Variants in EMC3 observed in about 807,000 individuals in gnomAD.
EMC3 encodes the protein 30 kDa protein.
Under a neutral mutation model 36.6 loss-of-function variants are expected in EMC3, and 13 were observed. The observed-to-expected ratio is 0.35, with a 90% CI of 0.23 to 0.56. The LOEUF (loss-of-function observed/expected upper bound fraction) is 0.56, where lower values mean the gene tolerates loss of function less well. Ranked by LOEUF, EMC3 falls within the 20% of genes least tolerant of loss-of-function variation. The pLI, the probability that EMC3 is intolerant of heterozygous loss-of-function variation, is 0.84. For synonymous variants in EMC3, 120 were observed against 111.9 expected, an observed-to-expected ratio of 1.07 and a Z score of -0.46; for missense variants, 220 against 324.5, an observed-to-expected ratio of 0.68 and a Z score of 2.47.
At chr3:9,994,485 GACTGGTGGATCTA>G (rs2086098703) in intron 1 of EMC3, among the ~76,000 whole-genome samples, 1 of 152,198 alleles carries the variant, frequency 6.6e-6, no homozygotes, top group African/African-American at 2.4e-5. Context: ...GAAGAGATTT[GACTGGTGGATCTA>G]ACTCTGTGTT....
chr3:9,995,597 T>G (rs1173905173), intron 1 of EMC3, among the ~76,000 whole-genome samples: 5 of 151,530 alleles, frequency 3.3e-5, no homozygotes, highest in Admixed American at 2.0e-4. Flanking sequence ...GCAAACAGAA[T>G]GAAGCCAGCA....
At chr3:9,969,059 A>T (rs1242470260) in intron 7 of EMC3, 3 of 153,720 alleles carry the variant, frequency 2.0e-5, no homozygotes, top group African/African-American at 4.8e-5. Flanking sequence ...TCCTGACCTC[A>T]GCTGACCCAC....
At chr3:9,969,444 C>T in intron 7 of EMC3, 1 of 1,323,608 alleles carries the variant, frequency 7.6e-7, no homozygotes, top group Non-Finnish European at 9.7e-7. Flanking sequence ...TAAATGTTTA[C>T]CTGGCACCTC....
At chr3:9,978,448 GGAGGAAAA>G (rs2085873696) in intron 1 of EMC3, among the ~76,000 whole-genome samples, 1 of 152,088 alleles carries the variant, frequency 6.6e-6, no homozygotes, top group African/African-American at 2.4e-5. Context: ...GTTCATTAAA[GGAGGAAAA>G]GAGGAAAAGG....
chr3:9,988,139 A>G, upstream of EMC3: 1 of 547,574 alleles, frequency 1.8e-6, no homozygotes, highest in Non-Finnish European at 3.3e-6. Flanking sequence ...ATTTACATCT[A>G]GTATTATATC....
At chr3:9,987,169 G>C, upstream of EMC3, 2 of 894,518 alleles carry the variant, frequency 2.2e-6, no homozygotes, top group Non-Finnish European at 2.7e-6. Context: ...AGCCGAGATT[G>C]CTGCACTGCA....
chr3:9,977,158 G>A (rs537698220), intron 2 of EMC3, 108 bp from the exon 3 acceptor site: 5 of 926,304 alleles, frequency 5.4e-6, no homozygotes, highest in Admixed American at 5.3e-5. Context: ...ATGCTGTTCC[G>A]CTCAGAGCTG....
chr3:10,006,668 A>G (rs768897679), intron 1 of EMC3: 3 of 199,276 alleles, frequency 1.5e-5, no homozygotes, highest in African/African-American at 2.4e-5. Context: ...GGGGGTTGTC[A>G]GTTAAAGGAC....
chr3:9,987,226 A>AG (rs1280132065), upstream of EMC3: 2 of 984,676 alleles, frequency 2.0e-6, no homozygotes, highest in African/African-American at 3.5e-5. Flanking sequence ...AAAAAAAAAA[A>AG]AAAAAAGAAA....
At position 10,001,299 on chromosome 3, in the gene EMC3, C is replaced by T. The variant is rs1327639053; in HGVS notation, c.-242+9724G>A. ...TTTGTCGGCCGGGCATGGTGGCTCA[C>T]GCCTGTATTCCCAGCACTTTGGGGG... On this transcript the variant is annotated intron_variant, in intron 1 of 8. Transcript: ENST00000470827. 1.1e-4 allele frequency among the ~76,000 whole-genome samples: 17 copies of T among 151,654 alleles called. 1 individual carries two copies. The highest frequency in any genetic ancestry group is 1.1e-3 in the Admixed American group (16 of 15,178).
chr3:9,974,403 T>C lies in EMC3; in HGVS notation c.393A>G (p.Thr131=). 6.2e-7 allele frequency: 1 copy of C among 1,613,340 alleles called. No homozygotes were observed. Among genetic ancestry groups the C allele is most frequent in the South Asian group, 1.1e-5 (1 of 91,052 alleles). The change falls in exon 4 of 8, where the codon ACA becomes ACG. Residue 131 remains threonine, a synonymous_variant. Transcript: ENST00000245046. ...ACTTACTTGTGACAAAGCCTGAGAATGTCATGTTGATCCATCCACCAATAA... is the reference window on the plus strand; with the variant it reads ...ACTTACTTGTGACAAAGCCTGAGAACGTCATGTTGATCCATCCACCAATAA... ...MILIGGWINM[T]FSGFVTTKVP...
intron 1 of EMC3, among the ~76,000 whole-genome samples, chr3:9,982,685 T>G (rs554676168): frequency 1.1e-3 from 166 of 152,134 alleles, no homozygotes; most frequent in African/African-American, 3.6e-3. Context: ...CTCAGGAGTT[T>G]GAGACCGGCC....
In EMC3 at chr3:10,007,075, G is replaced by A. The variant is rs188920437; in HGVS notation, c.-242+3948C>T. The A allele has an allele frequency of 1.5e-3, 473 of 308,780 alleles. 3 individuals are homozygous for A. The highest frequency in any genetic ancestry group is 9.7e-3 in the African/African-American group (441 of 45,568). 19.1% of individuals were successfully genotyped at this position (308,780 alleles called of 1,614,324 possible). A position where few individuals can be genotyped will look rare whatever the true frequency, so the allele number is the denominator to read the frequency against. ...GCTTTGCACCCTCTTTGCACAGAACGAGGGCTGTGCACACCCTAGTTTAGG... is the reference window on the plus strand; with the variant it reads ...GCTTTGCACCCTCTTTGCACAGAACAAGGGCTGTGCACACCCTAGTTTAGG... On this transcript the variant is annotated intron_variant, in intron 1 of 8. Transcript: ENST00000470827.
chr3:9,983,732 A>G (rs529713474), intron 1 of EMC3, among the ~76,000 whole-genome samples: 91 of 152,342 alleles, frequency 6.0e-4, no homozygotes, highest in African/African-American at 2.1e-3. Context: ...TTGTGGTTAC[A>G]AAAGAGAGCT....
At chr3:9,967,601 C>T (rs1301947872) in intron 7 of EMC3, among the ~76,000 whole-genome samples, 1 of 152,162 alleles carries the variant, frequency 6.6e-6, no homozygotes. Flanking sequence ...TATTACTGTG[C>T]AGTTTTGATT....
intron 7 of EMC3, among the ~76,000 whole-genome samples, chr3:9,966,747 G>A (rs1319171060): frequency 1.3e-5 from 2 of 151,942 alleles, no homozygotes; most frequent in South Asian, 2.1e-4. Context: ...GCTAATTTTT[G>A]TATTTTTAGT....
At chr3:9,998,611 A>G (rs1040791767) in intron 1 of EMC3, among the ~76,000 whole-genome samples, 3 of 151,494 alleles carry the variant, frequency 2.0e-5, no homozygotes, top group Non-Finnish European at 4.4e-5. Flanking sequence ...TTTAATTATA[A>G]TTATCCTGAT....
In EMC3 at chr3:9,970,607, G is replaced by A. The variant is rs183213519; in HGVS notation, c.549C>T (p.Tyr183=). 2.1e-5 allele frequency: 34 copies of A among 1,614,160 alleles called. No homozygotes were observed. The East Asian group carries it at 7.6e-4, about 36-fold the overall frequency. The change falls in exon 6 of 8, where the codon TAC becomes TAT. Residue 183 remains tyrosine, a synonymous_variant. Coordinates refer to ENST00000245046, the MANE Select transcript of EMC3 (RefSeq NM_001394674.1). The stretch of plus-strand genomic sequence containing the variant: ...CATTATCTTGGCCCAGAATCAGAGA[G>A]TAAATGCTCCGAAGCCCAAATACAT... ...FLNVFGLRSI[Y]SLILGQDNAA... is the part of the protein sequence containing the mutation.
At chr3:9,974,354 A>G (rs1341919928) in intron 4 of EMC3, 30 bp downstream of exon 4, 1 of 1,465,022 alleles carries the variant, frequency 6.8e-7, no homozygotes, top group East Asian at 2.3e-5. Context: ...TTCTCTGGGT[A>G]ACATGAAGTC....
Sources: allele counts gnomAD v4.1 joint callset (sites outside exome capture counted in the v4.1 genomes callset), GRCh38; gene constraint gnomAD v4.1.1; transcripts MANE v1.5; gene names NCBI Gene and HGNC (gene_info 2026-07-23, HGNC 2026-07-21).